Variants in SLC2A13 observed in about 807,000 individuals in gnomAD.
SLC2A13 encodes the protein proton myo-inositol cotransporter.
Under a neutral mutation model 64.4 loss-of-function variants are expected in SLC2A13, and 32 were observed. The ratio of observed to expected loss-of-function variants is 0.50; its 90% CI spans 0.37 to 0.67. The LOEUF (loss-of-function observed/expected upper bound fraction) is 0.67, where lower values mean the gene tolerates loss of function less well. Among genes scored for constraint, SLC2A13 ranks in the 30% least tolerant of loss-of-function variants. The probability of loss-of-function intolerance (pLI) is 0.00; values close to 1 mark genes in which losing one functional copy is unlikely to be tolerated. For synonymous variants in SLC2A13, 338 were observed against 327.1 expected, an observed-to-expected ratio of 1.03 and a Z score of -0.36; for missense variants, 743 against 829.2, an observed-to-expected ratio of 0.90 and a Z score of 1.28.
chr12:40,044,739 T>C (rs974555958), intron 2 of SLC2A13, among the ~76,000 whole-genome samples: 6 of 152,174 alleles, frequency 3.9e-5, no homozygotes, highest in Admixed American at 3.3e-4. Context: ...CTTTGACCCA[T>C]CTGGCATAAA....
chr12:40,022,035 T>C (rs1243258218), intron 3 of SLC2A13, among the ~76,000 whole-genome samples: 1 of 151,704 alleles, frequency 6.6e-6, no homozygotes, highest in Non-Finnish European at 1.5e-5. Flanking sequence ...GCAAAATTAC[T>C]AGAGGAAAAA....
At chr12:39,902,383 T>C (rs1425552927) in intron 4 of SLC2A13, among the ~76,000 whole-genome samples, 2 of 151,834 alleles carry the variant, frequency 1.3e-5, no homozygotes, top group African/African-American at 4.8e-5. Context: ...TGAAAAGATA[T>C]GTACATACAC....
intron 9 of SLC2A13, among the ~76,000 whole-genome samples, chr12:39,763,447 A>G (rs1027217657): frequency 2.0e-5 from 3 of 152,084 alleles, no homozygotes; most frequent in African/African-American, 7.2e-5. Flanking sequence ...CATTTGACAA[A>G]CACTTTTTGG....
chr12:39,830,377 CG>C (rs1283021984), intron 6 of SLC2A13, 149 bp from the exon 7 acceptor site: 8 of 1,409,668 alleles, frequency 5.7e-6, no homozygotes, highest in Non-Finnish European at 7.4e-6. Flanking sequence ...AAGTGACATG[CG>C]CTGAGCCAGG....
At position 40,106,022 on chromosome 12, in the gene SLC2A13, C is replaced by T. The variant is rs1939300674; in HGVS notation, c.-214G>A. The T allele has an allele frequency of 2.1e-6, 1 of 484,114 alleles. No individual in the cohort carries two copies. 30.0% of individuals were successfully genotyped at this position (484,114 alleles called of 1,614,324 possible). A position where few individuals can be genotyped will look rare whatever the true frequency, so the allele number is the denominator to read the frequency against. ...GCTCCGACGCTGCGGAGTTGGAGCCCGGCGGGTCTCACTCCACACTCACGC... is the reference window on the plus strand; with the variant it reads ...GCTCCGACGCTGCGGAGTTGGAGCCTGGCGGGTCTCACTCCACACTCACGC... On this transcript the variant is annotated 5_prime_UTR_variant, in exon 1 of 10. Transcript: ENST00000280871.
chr12:40,092,753 A>G (rs1370329164), intron 1 of SLC2A13, among the ~76,000 whole-genome samples: 1 of 152,230 alleles, frequency 6.6e-6, no homozygotes, highest in Non-Finnish European at 1.5e-5. Flanking sequence ...AGAAAGACTC[A>G]CTAAAGTTTG....
At chr12:39,860,054 G>A (rs1943715527) in intron 6 of SLC2A13, among the ~76,000 whole-genome samples, 1 of 152,188 alleles carries the variant, frequency 6.6e-6, no homozygotes, top group African/African-American at 2.4e-5. Flanking sequence ...AATAGAAAAA[G>A]AAGCTGTTGT....
intron 6 of SLC2A13, chr12:39,835,731 A>G (rs960746233): frequency 6.6e-6 from 1 of 152,132 alleles, no homozygotes; most frequent in Non-Finnish European, 1.5e-5. Context: ...GTGGATCACC[A>G]ATATATATTT....
chr12:39,809,285 C>T (rs935046138), intron 7 of SLC2A13, among the ~76,000 whole-genome samples: 2 of 151,982 alleles, frequency 1.3e-5, no homozygotes, highest in Non-Finnish European at 2.9e-5. Flanking sequence ...TCTATTTTAC[C>T]AACATCACAT....
chr12:40,007,767 G>A (rs936208321), intron 3 of SLC2A13, among the ~76,000 whole-genome samples: 3 of 151,768 alleles, frequency 2.0e-5, no homozygotes, highest in Non-Finnish European at 4.4e-5. Context: ...CTTGCTGTAA[G>A]AATTAAAAGA....
chr12:39,947,432 A>C (rs1483623608), intron 4 of SLC2A13, among the ~76,000 whole-genome samples: 1 of 152,290 alleles, frequency 6.6e-6, no homozygotes. Context: ...CAAGTTCCCC[A>C]AAAAAGAAAG....
chr12:39,819,326 C>T (rs921166385), intron 7 of SLC2A13, among the ~76,000 whole-genome samples: 3 of 152,052 alleles, frequency 2.0e-5, no homozygotes, highest in Non-Finnish European at 4.4e-5. Context: ...GAAAGTTAAA[C>T]TAAGTCACAG....
At chr12:40,087,511 C>T (rs1445921329) in intron 1 of SLC2A13, among the ~76,000 whole-genome samples, 1 of 152,146 alleles carries the variant, frequency 6.6e-6, no homozygotes, top group African/African-American at 2.4e-5. Flanking sequence ...AGAGTGTTAC[C>T]TACAATAGAA....
chr12:39,970,409 A>G (rs1372423442), intron 3 of SLC2A13, among the ~76,000 whole-genome samples: 1 of 152,208 alleles, frequency 6.6e-6, no homozygotes, highest in African/African-American at 2.4e-5. Context: ...GGTAATACCA[A>G]CAGTGAAGTG....
chr12:39,800,462 A>C (rs1477873518), intron 7 of SLC2A13, among the ~76,000 whole-genome samples: 2 of 141,118 alleles, frequency 1.4e-5, no homozygotes, highest in Non-Finnish European at 3.0e-5. Context: ...TCTCAAAAGA[A>C]GACATTTATG....
At chr12:39,924,872 A>C (rs1043401913) in intron 4 of SLC2A13, among the ~76,000 whole-genome samples, 1 of 152,244 alleles carries the variant, frequency 6.6e-6, no homozygotes, top group South Asian at 2.1e-4. Flanking sequence ...ATGAAGAATA[A>C]GTTTCTTTGT....
intron 7 of SLC2A13, among the ~76,000 whole-genome samples, chr12:39,810,596 T>C (rs1942126279): frequency 6.6e-6 from 1 of 152,170 alleles, no homozygotes; most frequent in Admixed American, 6.5e-5. Context: ...TTAAGTATAA[T>C]GTAAGCTGTA....
At chr12:39,830,669 G>GT (rs34446423) in intron 6 of SLC2A13, among the ~76,000 whole-genome samples, 13 of 151,302 alleles carry the variant, frequency 8.6e-5, no homozygotes, top group African/African-American at 2.4e-4. Flanking sequence ...AATGAAAATA[G>GT]TTTTTTTTTC....
intron 7 of SLC2A13, among the ~76,000 whole-genome samples, chr12:39,776,407 C>G (rs1461701166): frequency 6.6e-6 from 1 of 152,222 alleles, no homozygotes; most frequent in Non-Finnish European, 1.5e-5. Context: ...GGCATAAAGG[C>G]CACCAACAGC....
Sources: gnomAD v4.1 joint callset for allele counts (sites outside exome capture counted in the v4.1 genomes callset) on GRCh38, gnomAD v4.1.1 for gene constraint, MANE v1.5 for transcripts, NCBI Gene and HGNC (gene_info 2026-07-23, HGNC 2026-07-21) for gene names.